TERT: variants seen among roughly 807,000 people sequenced by gnomAD.
TERT encodes telomerase catalytic subunit.
TERT carries 42 observed loss-of-function variants against 104.0 expected under a neutral mutation model. The observed-to-expected ratio is 0.40, with a 90% confidence interval of 0.32 to 0.52. The LOEUF (loss-of-function observed/expected upper bound fraction) is 0.52. TERT is among the 20% of genes least tolerant of loss of function. TERT has a pLI of 0.43. For missense variants in TERT, 1,101 were observed against 1,610.3 expected (o/e 0.68, Z 5.41); for synonymous variants, 781 against 725.6 (o/e 1.08, Z -1.23).
In TERT at chr5:1,287,888, A is replaced by C. The variant is rs141396865; in HGVS notation, c.1574-5264T>G. On this transcript the variant is annotated intron_variant, in intron 2 of 15. Coordinates refer to ENST00000310581, the MANE Select transcript of TERT (RefSeq NM_198253.3). This position sits in a 1 kb window ranked among gnomAD's most constrained non-coding sequence, Gnocchi z 4.3. ...ACAGGATGTCAAATTTACAATGGAC[A>C]GTTCTGGAAACCATGCACACACTAG... Among the ~76,000 whole-genome samples, 1 of 151,940 alleles carries C rather than the reference A, an allele frequency of 6.6e-6. No homozygotes were observed. The highest frequency in any genetic ancestry group is 6.6e-5 in the Admixed American group (1 of 15,194).
Position 1,254,614 on chromosome 5 carries a change from G to C in TERT, c.3158-109C>G, listed in dbSNP as rs972043989. 4.7e-5 allele frequency: 64 copies of C among 1,353,474 alleles called. No homozygotes were observed. In the Middle Eastern group the frequency reaches 1.5e-3, roughly 32 times the overall value. The allele number at this position is 1,353,474 out of a possible 1,614,324, so 83.8% of individuals were successfully genotyped here. A position where few individuals can be genotyped will look rare whatever the true frequency, so the allele number is the denominator to read the frequency against. On this transcript the variant is annotated intron_variant, in intron 14 of 15. Transcript: ENST00000310581. ...GGTCTGCGGGGTGGCTCCATCTCTGGCTGTCCCGACCCAAGCACCGCAGGA... is the reference window on the plus strand; with the variant it reads ...GGTCTGCGGGGTGGCTCCATCTCTGCCTGTCCCGACCCAAGCACCGCAGGA...
chr5:1,277,852 C>A (rs1158089504), intron 6 of TERT, among the ~76,000 whole-genome samples: 1 of 152,154 alleles, frequency 6.6e-6, no homozygotes, highest in Non-Finnish European at 1.5e-5. Flanking sequence ...AGGGATACTT[C>A]TTCACCTCTG....
intron 6 of TERT, among the ~76,000 whole-genome samples, chr5:1,275,361 G>A (rs1749479199): frequency 6.7e-6 from 1 of 149,798 alleles, no homozygotes; most frequent in Non-Finnish European, 1.5e-5. Flanking sequence ...GCAAAAAAGA[G>A]CGAGACTCTG....
intron 13 of TERT, among the ~76,000 whole-genome samples, 191 bp downstream of exon 13, chr5:1,258,407 A>G (rs1405351213): frequency 6.6e-6 from 1 of 152,220 alleles, no homozygotes; most frequent in Non-Finnish European, 1.5e-5. Context: ...ACCACTACCC[A>G]GAGATGGAGA....
intron 12 of TERT, among the ~76,000 whole-genome samples, chr5:1,259,571 AGATGCCCACAGGAGAGGGAGTGGACATG>A (rs1748045127): frequency 1.7e-5 from 2 of 114,546 alleles, no homozygotes; most frequent in Non-Finnish European, 3.5e-5. Context: ...GAGTGGACGC[AGATGCCCACAGGAGAGGGAGTGGACATG>A]GATGCCCACA....
intron 12 of TERT, among the ~76,000 whole-genome samples, chr5:1,259,043 A>T (rs1356069596): frequency 2.8e-5 from 4 of 141,878 alleles, no homozygotes; most frequent in African/African-American, 1.1e-4. Flanking sequence ...GTGGACACAG[A>T]CGCCCACAGG....
At chr5:1,294,712 C>T (rs1359025677) in intron 1 of TERT, 46 bp from the exon 2 acceptor site, 2 of 1,576,428 alleles carry the variant, frequency 1.3e-6, no homozygotes, top group Admixed American at 3.5e-5. Flanking sequence ...CTCCGCATGT[C>T]GCTGGTTCCC....
chr5:1,272,336 G>A, intron 6 of TERT, 56 bp from the exon 7 acceptor site: 1 of 1,454,658 alleles, frequency 6.9e-7, no homozygotes, highest in Admixed American at 1.8e-5. Context: ...GGCCAGAGCT[G>A]GGCACTTGTT....
intron 6 of TERT, among the ~76,000 whole-genome samples, chr5:1,275,740 T>A (rs1479503770): frequency 3.0e-5 from 4 of 131,552 alleles, no homozygotes; most frequent in African/African-American, 1.2e-4. Flanking sequence ...GATCCCCACC[T>A]ATCCCACACA....
chr5:1,293,246 C>T, intron 2 of TERT, 67 bp downstream of exon 2: 1 of 1,592,570 alleles, frequency 6.3e-7, no homozygotes, highest in Middle Eastern at 1.7e-4. Context: ...TCTGCCTGCC[C>T]CCTTTTCTGA....
Position 1,253,513 on chromosome 5 carries a change from T to C in TERT, c.*215A>G, listed in dbSNP as rs1429516456. 2 of 604,240 alleles carry C rather than the reference T, an allele frequency of 3.3e-6. No homozygotes were observed. The highest frequency in any genetic ancestry group is 5.5e-5 in the East Asian group (2 of 36,248). The allele number at this position is 604,240 out of a possible 1,614,324, so 37.4% of individuals were successfully genotyped here. A position where few individuals can be genotyped will look rare whatever the true frequency, so the allele number is the denominator to read the frequency against. On this transcript the variant is annotated 3_prime_UTR_variant, in exon 16 of 16. Transcript: ENST00000310581. The stretch of plus-strand genomic sequence containing the variant: ...GGGGAAGTGAAGACGGCAGGTGTGC[T>C]GGACACTCAGCCCTTGGCTGGACAC...
chr5:1,290,155 G>A (rs1750790190), intron 2 of TERT, among the ~76,000 whole-genome samples: 1 of 82,606 alleles, frequency 1.2e-5, no homozygotes, highest in Admixed American at 1.1e-4. Flanking sequence ...CACCCTACAC[G>A]TGACAGGGAC....
intron 2 of TERT, among the ~76,000 whole-genome samples, chr5:1,289,005 C>T (rs1199642967): frequency 1.3e-5 from 2 of 152,174 alleles, no homozygotes; most frequent in African/African-American, 4.8e-5. Context: ...CAATGGGCAA[C>T]CGGCGCAGCT....
rs1747746611 is a variant in TERT at position 1,256,511 on chromosome 5, TGG to T, written c.3033-1102_3033-1101del. Among the ~76,000 whole-genome samples the T allele has an allele frequency of 2.1e-5, 3 of 146,202 alleles. No homozygotes were observed. The highest frequency in any genetic ancestry group is 7.7e-5 in the African/African-American group (3 of 39,054). ...CCAGTGCCTGAGCCCCCCATGTACC[TGG>T]CCTCACCCACTGCCTGAGCCCCCCG... On this transcript the variant is annotated intron_variant, in intron 13 of 15. Coordinates refer to ENST00000310581, the MANE Select transcript of TERT (RefSeq NM_198253.3). The surrounding 1 kb of genome is among the most constrained non-coding windows in gnomAD (Gnocchi z 7.0).
chr5:1,278,245 T>C lies in TERT; in HGVS notation c.2286+396A>G, dbSNP rs557985747. Among the ~76,000 whole-genome samples the C allele has an allele frequency of 1.6e-3, 243 of 152,278 alleles. 1 individual carries two copies. Among genetic ancestry groups the C allele is most frequent in the Middle Eastern group, 3.4e-3 (1 of 294 alleles). On this transcript the variant is annotated intron_variant, in intron 6 of 15. Transcript: ENST00000310581. The stretch of plus-strand genomic sequence containing the variant: ...AGCGTGAGGACAATGGTGCGGACCA[T>C]GCCTGGAGGAGGAAGGAGTAAGGCC...
chr5:1,280,025 T>C (rs1749909046), intron 4 of TERT, 133 bp downstream of exon 4: 3 of 1,212,812 alleles, frequency 2.5e-6, no homozygotes, highest in African/African-American at 1.5e-5. Context: ...TGCGCACAAA[T>C]GGGTTGGCGC....
At chr5:1,260,363 C>T (rs904708571) in intron 12 of TERT, 111 bp downstream of exon 12, 20 of 1,537,724 alleles carry the variant, frequency 1.3e-5, no homozygotes, top group African/African-American at 4.1e-5. Flanking sequence ...TGCACTCTTA[C>T]GTGCAGCCAG....
intron 2 of TERT, among the ~76,000 whole-genome samples, chr5:1,285,464 C>T (rs948924174): frequency 1.3e-5 from 2 of 152,022 alleles, no homozygotes; most frequent in Non-Finnish European, 2.9e-5. Context: ...CCACCAATAA[C>T]ACCCTAAAAT....
intron 2 of TERT, among the ~76,000 whole-genome samples, chr5:1,284,338 C>T (rs1339882733): frequency 3.1e-5 from 4 of 130,090 alleles, no homozygotes; most frequent in African/African-American, 1.2e-4. Context: ...TCACCCCGGA[C>T]CTGCATCATC....
Sources: gnomAD v4.1 joint callset for allele counts (sites outside exome capture counted in the v4.1 genomes callset) on GRCh38, gnomAD v4.1.1 for gene constraint, Gnocchi (gnomAD v3.1) non-coding constraint, MANE v1.5 for transcripts, NCBI Gene and HGNC (gene_info 2026-07-23, HGNC 2026-07-21) for gene names.